Variants in GARIN2 observed in about 807,000 individuals in gnomAD.
GARIN2 encodes the protein golgi associated RAB2 interactor family member 2.
chr14:67,208,271 T>C, the GARIN2 span: 10 of 1,613,884 alleles, frequency 6.2e-6, no homozygotes, highest in Non-Finnish European at 8.5e-6. Context: ...GTTGAAAGAA[T>C]CCTCAAAACA....
chr14:67,208,392 C>T, the GARIN2 span: 10 of 1,613,940 alleles, frequency 6.2e-6, no homozygotes, highest in Non-Finnish European at 8.5e-6. Flanking sequence ...AAGGATAAGA[C>T]CTCTGAAGAA....
chr14:67,193,213 CATCT>C, the GARIN2 span, among the ~76,000 whole-genome samples: 92 of 121,926 alleles, frequency 7.5e-4, no homozygotes, highest in Non-Finnish European at 9.1e-4. Context: ...TCTATATAGA[CATCT>C]ATCTATATAT....
the GARIN2 span, among the ~76,000 whole-genome samples, chr14:67,198,795 A>T: frequency 6.6e-6 from 1 of 152,228 alleles, no homozygotes; most frequent in African/African-American, 2.4e-5. Context: ...CTGCATTTCT[A>T]TGCATTTGGG....
the GARIN2 span, chr14:67,225,306 G>C: frequency 7.5e-7 from 1 of 1,335,162 alleles, no homozygotes; most frequent in Non-Finnish European, 9.8e-7. Context: ...ATACATGATA[G>C]CTATGATACT....
chr14:67,200,234 A>G, the GARIN2 span: 1 of 954,540 alleles, frequency 1.0e-6, no homozygotes, highest in Non-Finnish European at 1.5e-6. Context: ...CACAACCCAC[A>G]CCCTATGGCT....
chr14:67,204,313 T>G, the GARIN2 span, among the ~76,000 whole-genome samples: 42 of 151,870 alleles, frequency 2.8e-4, no homozygotes, highest in Non-Finnish European at 5.2e-4. Flanking sequence ...GTGGTACATA[T>G]CTGTTGTCCC....
At chr14:67,203,361 C>T in the GARIN2 span, 31 of 1,301,980 alleles carry the variant, frequency 2.4e-5, no homozygotes, top group African/African-American at 2.1e-4. Context: ...GATCTGAAAA[C>T]GGAAACACTG....
At chr14:67,217,166 TCTTTTTTTTTTAC>T in the GARIN2 span, among the ~76,000 whole-genome samples, 3 of 143,590 alleles carry the variant, frequency 2.1e-5, no homozygotes, top group African/African-American at 8.3e-5. Flanking sequence ...ACTTTCTTCA[TCTTTTTTTTTTAC>T]AGTTTCTGAC....
At chr14:67,194,780 C>T in the GARIN2 span, among the ~76,000 whole-genome samples, 1 of 152,180 alleles carries the variant, frequency 6.6e-6, no homozygotes, top group African/African-American at 2.4e-5. Flanking sequence ...GCCTCAGTCT[C>T]TCGAGTAGCT....
At chr14:67,220,303 C>T in the GARIN2 span, among the ~76,000 whole-genome samples, 21 of 151,766 alleles carry the variant, frequency 1.4e-4, no homozygotes, top group Middle Eastern at 0.017. Context: ...GTTATCTGGG[C>T]GTGGTAGTGC....
chr14:67,204,839 C>T, the GARIN2 span: 1 of 1,613,964 alleles, frequency 6.2e-7, no homozygotes, highest in East Asian at 2.2e-5. Flanking sequence ...TACATGTATG[C>T]AGGTACAGGC....
the GARIN2 span, chr14:67,225,036 G>A: frequency 1.5e-6 from 2 of 1,301,744 alleles, no homozygotes; most frequent in South Asian, 1.5e-5. Context: ...TTTTCCTCCT[G>A]CTTTTGGCTT....
chr14:67,213,244 A>G, the GARIN2 span, among the ~76,000 whole-genome samples: 2 of 150,066 alleles, frequency 1.3e-5, no homozygotes, highest in Non-Finnish European at 1.5e-5. Context: ...TACATGTGCC[A>G]TGCTGGTGTG....
the GARIN2 span, chr14:67,227,451 A>G: frequency 6.6e-6 from 1 of 151,752 alleles, no homozygotes; most frequent in South Asian, 2.1e-4. Flanking sequence ...AAAAAAAAAA[A>G]AAAAGAAAAA....
At chr14:67,199,001 G>A in the GARIN2 span, 5 of 706,186 alleles carry the variant, frequency 7.1e-6, no homozygotes, top group Non-Finnish European at 1.3e-5. Flanking sequence ...ACAGAGGGGT[G>A]ACAAGGGAGG....
chr14:67,198,674 T>A, the GARIN2 span, among the ~76,000 whole-genome samples: 1 of 152,220 alleles, frequency 6.6e-6, no homozygotes, highest in African/African-American at 2.4e-5. Flanking sequence ...AGAACATCTA[T>A]GACTAGGGAT....
chr14:67,223,947 C>G, the GARIN2 span: 1 of 984,846 alleles, frequency 1.0e-6, no homozygotes, highest in East Asian at 1.1e-4. Flanking sequence ...AAAATGAGTC[C>G]GTAATTCTAA....
chr14:67,193,560 T>A, the GARIN2 span, among the ~76,000 whole-genome samples: 16 of 144,746 alleles, frequency 1.1e-4, no homozygotes, highest in South Asian at 3.4e-3. Flanking sequence ...TATATAGATC[T>A]ATATCTATAT....
the GARIN2 span, chr14:67,204,658 G>A: frequency 1.9e-6 from 3 of 1,613,912 alleles, no homozygotes; most frequent in South Asian, 3.3e-5. Context: ...ATATAAACAG[G>A]ACACCTTGTT....
Sources: allele counts gnomAD v4.1 joint callset (sites outside exome capture counted in the v4.1 genomes callset), GRCh38; gene constraint gnomAD v4.1.1; transcripts MANE v1.5; gene names NCBI Gene and HGNC (gene_info 2026-07-23, HGNC 2026-07-21).